The following WDR7 variants were observed in gnomAD, a reference collection of about 807,000 sequenced individuals.
WDR7 encodes WD repeat-containing protein 7.
A neutral mutation model predicts 169.4 loss-of-function variants in WDR7; 46 were observed. The ratio of observed to expected loss-of-function variants is 0.27; its 90% confidence interval spans 0.21 to 0.35. The LOEUF (loss-of-function observed/expected upper bound fraction) is 0.35. Among genes scored for constraint, WDR7 ranks in the 10% least tolerant of loss-of-function variants. The pLI, the probability that WDR7 is intolerant of heterozygous loss-of-function variation, is 1.00. For synonymous variants in WDR7, 612 were observed against 666.8 expected, an observed-to-expected ratio of 0.92 and a Z score of 1.27; for missense variants, 1,534 against 1,859.3, an observed-to-expected ratio of 0.83 and a Z score of 3.22.
intron 1 of WDR7, among the ~76,000 whole-genome samples, chr18:56,655,719 C>T (rs2024753422): frequency 6.6e-6 from 1 of 151,988 alleles, no homozygotes; most frequent in Admixed American, 6.6e-5. Flanking sequence ...ACCTCCCTTA[C>T]CCTCACCATC....
intron 20 of WDR7, among the ~76,000 whole-genome samples, chr18:56,834,274 G>T (rs997322848): frequency 1.3e-5 from 2 of 152,156 alleles, no homozygotes; most frequent in Non-Finnish European, 2.9e-5. Context: ...TATTATGGAA[G>T]TGGCCTCCCA....
At chr18:56,950,892 G>A (rs778191710) in intron 25 of WDR7, among the ~76,000 whole-genome samples, 6 of 152,128 alleles carry the variant, frequency 3.9e-5, no homozygotes, top group Non-Finnish European at 8.8e-5. Context: ...TTGTTTTGAG[G>A]TCATGTTATA....
At chr18:56,964,368 A>G (rs1262776750) in intron 26 of WDR7, among the ~76,000 whole-genome samples, 1 of 151,776 alleles carries the variant, frequency 6.6e-6, no homozygotes, top group African/African-American at 2.4e-5. Flanking sequence ...TAGGCATCTT[A>G]TTTTTGTTTT....
In WDR7 at chr18:56,664,342, T is replaced by C. The variant is rs117235371; in HGVS notation, c.-19-8155T>C. ...AAGACCACAGATTTCAAAATGCTAATTGTAATGAGAGGGAGAGAGATTGTT... is the reference window on the plus strand; with the variant it reads ...AAGACCACAGATTTCAAAATGCTAACTGTAATGAGAGGGAGAGAGATTGTT... On this transcript the variant is annotated intron_variant, in intron 1 of 27. Coordinates refer to ENST00000254442, the MANE Select transcript of WDR7 (RefSeq NM_015285.3). Among the ~76,000 whole-genome samples the C allele has an allele frequency of 9.1e-3, 1,390 of 152,242 alleles. 9 individuals carry two copies. The highest frequency in any genetic ancestry group is 0.017 in the Middle Eastern group (5 of 292).
chr18:56,805,351 C>T (rs866852940), intron 19 of WDR7, among the ~76,000 whole-genome samples: 1 of 152,250 alleles, frequency 6.6e-6, no homozygotes, highest in Admixed American at 6.5e-5. Context: ...TCCCCAGAAT[C>T]GGGCTTTCAG....
intron 20 of WDR7, among the ~76,000 whole-genome samples, chr18:56,834,510 CTCTTTGTCCTT>C (rs1304918250): frequency 6.6e-6 from 1 of 151,880 alleles, no homozygotes; most frequent in African/African-American, 2.4e-5. Flanking sequence ...TCCTTGTCTT[CTCTTTGTCCTT>C]CAACAATATC....
chr18:57,020,112 G>A (rs905644455), intron 26 of WDR7, among the ~76,000 whole-genome samples: 3 of 152,106 alleles, frequency 2.0e-5, no homozygotes, highest in African/African-American at 7.2e-5. Flanking sequence ...TAGCTATTTG[G>A]CAGAGGTTCA....
intron 26 of WDR7, among the ~76,000 whole-genome samples, chr18:57,001,420 TTGTG>T: frequency 6.6e-6 from 1 of 152,154 alleles, no homozygotes; most frequent in African/African-American, 2.4e-5. Context: ...AGCCTTAGCC[TTGTG>T]CTCTCAATAG....
intron 14 of WDR7, among the ~76,000 whole-genome samples, chr18:56,754,964 A>G (rs924663268): frequency 1.3e-5 from 2 of 152,198 alleles, no homozygotes; most frequent in African/African-American, 2.4e-5. Flanking sequence ...CTGTTTGCTA[A>G]TAAGTTAATA....
At chr18:56,691,039 G>A (rs2025556307) in intron 7 of WDR7, among the ~76,000 whole-genome samples, 177 bp from the exon 8 acceptor site, 1 of 152,134 alleles carries the variant, frequency 6.6e-6, no homozygotes, top group Admixed American at 6.5e-5. Context: ...GCCTAGTTGT[G>A]TCTTCCCTAT....
chr18:56,929,366 A>G (rs1426202451), intron 22 of WDR7, among the ~76,000 whole-genome samples: 1 of 152,188 alleles, frequency 6.6e-6, no homozygotes, highest in Non-Finnish European at 1.5e-5. Context: ...TGCTTGTGTC[A>G]TATATTATGT....
intron 17 of WDR7, among the ~76,000 whole-genome samples, chr18:56,777,803 A>C (rs2044262942): frequency 6.6e-6 from 1 of 152,168 alleles, no homozygotes; most frequent in African/African-American, 2.4e-5. Flanking sequence ...GAAAGAAAAC[A>C]TGGGGACTTA....
intron 26 of WDR7, among the ~76,000 whole-genome samples, chr18:57,014,221 G>A (rs1191591282): frequency 2.0e-5 from 3 of 151,856 alleles, no homozygotes; most frequent in Non-Finnish European, 4.4e-5. Context: ...AGCTACTCGG[G>A]AGGCTGAGGC....
chr18:56,921,473 A>G (rs914136741), intron 21 of WDR7, among the ~76,000 whole-genome samples: 1 of 152,190 alleles, frequency 6.6e-6, no homozygotes, highest in Non-Finnish European at 1.5e-5. Flanking sequence ...GAGAGATGCT[A>G]TAGGGGAATT....
rs777392398 is a variant in WDR7 at position 56,691,406 on chromosome 18, A to G, written c.863+45A>G. On this transcript the variant is annotated intron_variant, in intron 8 of 27. Transcript: ENST00000254442. ...TTAGGACAGTCATCAAAAGTAAAAG[A>G]TTCAGAATTTAGGGTACAACCTGAC... 7.2e-6 allele frequency: 11 copies of G among 1,530,372 alleles called. No individual in the cohort carries two copies. The South Asian group carries it at 1.3e-4, about 18-fold the overall frequency. 94.8% of individuals were successfully genotyped at this position (1,530,372 alleles called of 1,614,324 possible).
chr18:56,766,442 CCT>C lies in WDR7; in HGVS notation c.2848+7494_2848+7495del, dbSNP rs1377684996. 2.0e-5 allele frequency among the ~76,000 whole-genome samples: 3 copies of C among 152,218 alleles called. No homozygotes were observed. The South Asian group carries it at 6.2e-4, about 32-fold the overall frequency. ...GCTCTTTTATTTCGGGATTATTTTTCCTCTCTGTGTTTTGATTGAGATAGTTT... is the reference window on the plus strand; with the variant it reads ...GCTCTTTTATTTCGGGATTATTTTTCCTCTGTGTTTTGATTGAGATAGTTT... On this transcript the variant is annotated intron_variant, in intron 16 of 27. Coordinates refer to ENST00000254442, the MANE Select transcript of WDR7 (RefSeq NM_015285.3).
rs774455786 is a variant in WDR7, at chr18:56,757,343, G to C, written c.2750G>C (p.Gly917Ala). 1.9e-6 allele frequency: 3 copies of C among 1,604,142 alleles called. No homozygotes were observed. The highest frequency in any genetic ancestry group is 2.6e-6 in the Non-Finnish European group (3 of 1,172,990). Residue 917 changes from glycine (G) to alanine (A), a missense_variant, in exon 15 of 28, where the codon GGT becomes GCT. By Grantham distance (60) the Gly-to-Ala change is moderately conservative (BLOSUM62 0). Transcript: ENST00000254442. ...TTTATTGGTGATCATATGAAGAAGG[G>C]TCCTACCAGGTGTGACCATGATAGT... ...ATFIGDHMKKGPTRPPRPSTP... is the reference protein window; with the variant it reads ...ATFIGDHMKKAPTRPPRPSTP...
intron 14 of WDR7, among the ~76,000 whole-genome samples, chr18:56,740,651 C>T (rs1000234351): frequency 9.2e-5 from 14 of 152,168 alleles, no homozygotes; most frequent in African/African-American, 3.1e-4. Context: ...TCTGCTTCTA[C>T]TTCTCTAGTC....
At chr18:56,718,944 C>G (rs8097805) in intron 13 of WDR7, among the ~76,000 whole-genome samples, 74 of 152,222 alleles carry the variant, frequency 4.9e-4, no homozygotes, top group African/African-American at 1.6e-3. Context: ...CACTATTGTG[C>G]GAACGGGAGT....
Sources: gnomAD v4.1 joint callset for allele counts (sites outside exome capture counted in the v4.1 genomes callset) on GRCh38, gnomAD v4.1.1 for gene constraint, MANE v1.5 for transcripts, NCBI Gene and HGNC (gene_info 2026-07-23, HGNC 2026-07-21) for gene names.